The following DAB1 variants were observed in gnomAD, a reference collection of about 807,000 sequenced individuals.
DAB1 encodes DAB adaptor protein 1.
In DAB1, 15 loss-of-function variants were observed where a neutral mutation model predicts 64.6. The observed-to-expected ratio is 0.23, with a 90% confidence interval of 0.16 to 0.36. The LOEUF (loss-of-function observed/expected upper bound fraction) is 0.36. DAB1 is among the 10% of genes least tolerant of loss of function. The probability of loss-of-function intolerance (pLI) is 1.00; values close to 1 mark genes in which losing one functional copy is unlikely to be tolerated. For missense variants in DAB1, 596 were observed against 706.7 expected (o/e 0.84, Z 1.78); for synonymous variants, 235 against 251.9 (o/e 0.93, Z 0.64).
chr1:58,016,810 AC>A (rs1202854417), intron 5 of DAB1, among the ~76,000 whole-genome samples: 8 of 152,200 alleles, frequency 5.3e-5, no homozygotes, highest in African/African-American at 1.4e-4. Flanking sequence ...ATAACAATGA[AC>A]AATGCAGATG....
intron 7 of DAB1, among the ~76,000 whole-genome samples, chr1:57,486,291 A>C (rs573326107): frequency 6.6e-6 from 1 of 152,320 alleles, no homozygotes; most frequent in Non-Finnish European, 1.5e-5. Context: ...ATGTGCATTA[A>C]AATTGCCTCA....
intron 4 of DAB1, among the ~76,000 whole-genome samples, chr1:58,334,833 G>A (rs1663071701): frequency 2.6e-5 from 4 of 151,678 alleles, no homozygotes; most frequent in Admixed American, 2.0e-4. Context: ...GTTCAATGAA[G>A]GAAGGAAGGA....
intron 6 of DAB1, among the ~76,000 whole-genome samples, chr1:57,777,395 T>C (rs1649862582): frequency 6.6e-6 from 1 of 151,816 alleles, no homozygotes; most frequent in Non-Finnish European, 1.5e-5. Flanking sequence ...ATTTTTGTTT[T>C]CTTTCTTTCC....
chr1:58,170,975 C>T (rs1656139246), intron 4 of DAB1, among the ~76,000 whole-genome samples: 1 of 151,364 alleles, frequency 6.6e-6, no homozygotes, highest in East Asian at 1.9e-4. Context: ...CCCCAGACGA[C>T]TGTCCTCAAG....
rs1397479220 is a variant in DAB1 at position 57,790,906 on chromosome 1, CAT to C, written n.551+93091_551+93092del. Among the ~76,000 whole-genome samples the C allele has an allele frequency of 2.0e-5, 3 of 152,204 alleles. No individual in the cohort carries two copies. The East Asian group carries it at 5.8e-4, about 29-fold the overall frequency. ...ACTCACACTCACATGCATGTGTACT[CAT>C]ATGTGTGTGTGTATTTTAAACATGG... On this transcript the variant is annotated intron_variant and non_coding_transcript_variant, in intron 6 of 20. Transcript: ENST00000485760.
At chr1:58,068,026 G>A (rs527316745) in intron 5 of DAB1, among the ~76,000 whole-genome samples, 1 of 152,310 alleles carries the variant, frequency 6.6e-6, no homozygotes, top group Non-Finnish European at 1.5e-5. Flanking sequence ...GAAGATGAGA[G>A]GACAGGAATA....
At chr1:58,127,758 T>C (rs1238722558) in intron 5 of DAB1, among the ~76,000 whole-genome samples, 1 of 151,576 alleles carries the variant, frequency 6.6e-6, no homozygotes, top group African/African-American at 2.4e-5. Flanking sequence ...TTGTCAAAGA[T>C]CACATAGTTG....
chr1:57,207,858 T>A (rs572421424), intron 2 of DAB1, among the ~76,000 whole-genome samples: 5 of 152,320 alleles, frequency 3.3e-5, no homozygotes, highest in South Asian at 2.1e-4. Flanking sequence ...TTGATTTTTA[T>A]AAGTTTAATA....
At chr1:57,164,085 A>T (rs932048785) in intron 2 of DAB1, among the ~76,000 whole-genome samples, 4 of 152,104 alleles carry the variant, frequency 2.6e-5, no homozygotes, top group Non-Finnish European at 5.9e-5. Flanking sequence ...TATGGAAGAG[A>T]CAATATGAGG....
intron 3 of DAB1, among the ~76,000 whole-genome samples, chr1:58,479,979 T>C (rs1645457601): frequency 6.6e-6 from 1 of 152,218 alleles, no homozygotes; most frequent in African/African-American, 2.4e-5. Flanking sequence ...ATTTATTTAA[T>C]ATAATGTATT....
chr1:58,274,654 C>G (rs1188246556), intron 4 of DAB1, among the ~76,000 whole-genome samples: 2 of 152,000 alleles, frequency 1.3e-5, no homozygotes, highest in Admixed American at 1.3e-4. Flanking sequence ...TAGCAGTCAG[C>G]GAGATTCCGT....
chr1:57,231,260 T>C (rs1667653582), intron 2 of DAB1, among the ~76,000 whole-genome samples: 1 of 152,228 alleles, frequency 6.6e-6, no homozygotes, highest in African/African-American at 2.4e-5. Context: ...GTACACTGAA[T>C]ACCTTCTCAC....
intron 1 of DAB1, among the ~76,000 whole-genome samples, chr1:57,311,102 G>A (rs1361010172): frequency 1.3e-5 from 2 of 152,154 alleles, no homozygotes; most frequent in Non-Finnish European, 2.9e-5. Context: ...AAAGCCCACT[G>A]CTCCAATTTG....
Position 57,569,034 on chromosome 1 carries a change from G to A in DAB1, n.625+80558C>T, listed in dbSNP as rs551165216. On this transcript the variant is annotated intron_variant and non_coding_transcript_variant, in intron 7 of 20. Transcript: ENST00000485760. ...AGCACTTTGGGAGGCCGAGGCGGGC[G>A]GATCACGAGGTCAGGAGATCGAGAC... Among the ~76,000 whole-genome samples, 445 of 151,604 alleles carry A rather than the reference G, an allele frequency of 2.9e-3. 1 individual carries two copies. The highest frequency in any genetic ancestry group is 9.6e-3 in the African/African-American group (398 of 41,424).
chr1:57,004,750 T>C (rs190145510), intron 14 of DAB1, among the ~76,000 whole-genome samples: 2 of 152,304 alleles, frequency 1.3e-5, no homozygotes, highest in Admixed American at 1.3e-4. Flanking sequence ...AAGTTCTATC[T>C]GAATCCATGT....
At chr1:57,459,490 A>G (rs1686709613) in intron 7 of DAB1, among the ~76,000 whole-genome samples, 1 of 152,126 alleles carries the variant, frequency 6.6e-6, no homozygotes, top group African/African-American at 2.4e-5. Context: ...GAGCATTTTT[A>G]TGGCTTTTGG....
rs574450254 is a variant in DAB1 at position 57,413,803 on chromosome 1, A to G, written c.-137+10127T>C. Among the ~76,000 whole-genome samples, 7 of 151,414 alleles carry G rather than the reference A, an allele frequency of 4.6e-5. No homozygotes were observed. In the South Asian group the frequency reaches 1.5e-3, roughly 32 times the overall value. On this transcript the variant is annotated intron_variant, in intron 1 of 14. Coordinates refer to ENST00000371236, the MANE Select transcript of DAB1 (RefSeq NM_001365792.1). ...CTAGATGCCATTAAGAACATTTGTGATTCATGAAAGGAAGTCTAAATATCA... is the reference window on the plus strand; with the variant it reads ...CTAGATGCCATTAAGAACATTTGTGGTTCATGAAAGGAAGTCTAAATATCA...
chr1:58,376,357 C>T (rs921489182), intron 3 of DAB1, among the ~76,000 whole-genome samples: 11 of 136,592 alleles, frequency 8.1e-5, no homozygotes, highest in African/African-American at 2.7e-4. Flanking sequence ...TGAATGTGTC[C>T]CAGAGATTCT....
intron 5 of DAB1, among the ~76,000 whole-genome samples, chr1:57,967,133 G>C (rs1645686855): frequency 1.3e-5 from 2 of 152,198 alleles, no homozygotes; most frequent in Admixed American, 6.5e-5. Flanking sequence ...ATAGTGCAGA[G>C]ATGCAGATTG....
Sources: gnomAD v4.1 joint callset for allele counts (sites outside exome capture counted in the v4.1 genomes callset) on GRCh38, gnomAD v4.1.1 for gene constraint, MANE v1.5 for transcripts, NCBI Gene and HGNC (gene_info 2026-07-23, HGNC 2026-07-21) for gene names.